The following MAGI1 variants were observed in gnomAD, a reference collection of about 807,000 sequenced individuals.
MAGI1 encodes membrane-associated guanylate kinase, WW and PDZ domain-containing protein 1.
MAGI1 carries 58 observed loss-of-function variants against 139.9 expected under a neutral mutation model. The observed-to-expected ratio is 0.41, with a 90% CI of 0.34 to 0.52. The LOEUF (loss-of-function observed/expected upper bound fraction) is 0.52. MAGI1 is among the 20% of genes least tolerant of loss of function. The probability of loss-of-function intolerance (pLI) is 0.12; values close to 1 mark genes in which losing one functional copy is unlikely to be tolerated. For missense variants in MAGI1, 1,874 were observed against 1,901.6 expected (o/e 0.99, Z 0.27); for synonymous variants, 812 against 737.9 (o/e 1.10, Z -1.63).
At chr3:65,690,763 G>A (rs1352771393) in intron 1 of MAGI1, among the ~76,000 whole-genome samples, 1 of 151,432 alleles carries the variant, frequency 6.6e-6, no homozygotes, top group Non-Finnish European at 1.5e-5. Context: ...CAATGTGCTG[G>A]GATTACAGGC....
intron 2 of MAGI1, among the ~76,000 whole-genome samples, chr3:65,509,022 T>G (rs572100226): frequency 6.6e-6 from 1 of 152,322 alleles, no homozygotes; most frequent in African/African-American, 2.4e-5. Context: ...CCTGGAGCTC[T>G]TACAAGAAGT....
chr3:65,679,527 C>T (rs542523052), intron 1 of MAGI1, among the ~76,000 whole-genome samples: 1 of 151,934 alleles, frequency 6.6e-6, no homozygotes, highest in East Asian at 1.9e-4. Flanking sequence ...CATGCCACTG[C>T]ACTCCAGCCT....
chr3:65,784,621 C>A (rs1383626731), intron 1 of MAGI1, among the ~76,000 whole-genome samples: 3 of 152,082 alleles, frequency 2.0e-5, no homozygotes, highest in Non-Finnish European at 4.4e-5. Context: ...AGGAGAATGG[C>A]GTGAACCAAG....
intron 1 of MAGI1, among the ~76,000 whole-genome samples, chr3:65,865,659 C>A (rs1323422557): frequency 1.3e-5 from 2 of 150,388 alleles, no homozygotes; most frequent in African/African-American, 2.4e-5. Flanking sequence ...GTTTTGTTTG[C>A]GATGGAGTTT....
At chr3:65,627,839 C>A (rs1023546345) in intron 1 of MAGI1, among the ~76,000 whole-genome samples, 1 of 152,052 alleles carries the variant, frequency 6.6e-6, no homozygotes, top group Non-Finnish European at 1.5e-5. Context: ...ATCTGGAATT[C>A]TGTGTCTTCT....
chr3:65,718,347 C>G (rs977551403), intron 1 of MAGI1: 7 of 152,120 alleles, frequency 4.6e-5, no homozygotes, highest in Non-Finnish European at 1.0e-4. Flanking sequence ...TTTGCAATTC[C>G]TTTCACAGAA....
intron 1 of MAGI1, among the ~76,000 whole-genome samples, chr3:65,953,128 A>C (rs557755163): frequency 8.4e-4 from 128 of 152,318 alleles, no homozygotes; most frequent in Middle Eastern, 3.4e-3. Flanking sequence ...AGGGAGGGCA[A>C]TGCCAAACGA....
chr3:65,494,174 A>G (rs1952254339), intron 2 of MAGI1, among the ~76,000 whole-genome samples: 1 of 152,206 alleles, frequency 6.6e-6, no homozygotes. Context: ...GACATCTCCC[A>G]GGGATTAAAA....
chr3:65,506,088 G>C (rs2077274927), intron 2 of MAGI1, among the ~76,000 whole-genome samples: 1 of 152,248 alleles, frequency 6.6e-6, no homozygotes, highest in Non-Finnish European at 1.5e-5. Flanking sequence ...AGCTCTTTCA[G>C]AATGGCAGTC....
intron 1 of MAGI1, chr3:65,874,918 C>T (rs1237287006): frequency 8.5e-5 from 13 of 152,464 alleles, no homozygotes; most frequent in Admixed American, 7.9e-4. Flanking sequence ...CATTATTTAG[C>T]CATTAAAAGG....
chr3:65,926,327 T>TTCTCTCTCTCTCTCTCTCTCTCTC (rs377665681), intron 1 of MAGI1, among the ~76,000 whole-genome samples: 21 of 115,658 alleles, frequency 1.8e-4, no homozygotes, highest in African/African-American at 4.8e-4. Context: ...AAGTCTTCTT[T>TTCTCTCTCTCTCTCTCTCTCTCTC]TCTCTCTCTC....
intron 1 of MAGI1, among the ~76,000 whole-genome samples, chr3:65,788,652 C>G (rs1316285991): frequency 2.6e-5 from 4 of 152,124 alleles, no homozygotes; most frequent in African/African-American, 9.7e-5. Flanking sequence ...AAATTACTTC[C>G]AGTTTGCATT....
intron 1 of MAGI1, among the ~76,000 whole-genome samples, chr3:65,790,652 C>A (rs1408620336): frequency 6.6e-6 from 1 of 152,164 alleles, no homozygotes; most frequent in Non-Finnish European, 1.5e-5. Flanking sequence ...AAGTGTCAAG[C>A]TCAAGCTAAT....
At chr3:65,596,343 G>A (rs532201810) in intron 2 of MAGI1, among the ~76,000 whole-genome samples, 1 of 152,176 alleles carries the variant, frequency 6.6e-6, no homozygotes, top group East Asian at 1.9e-4. Context: ...AAATGTGTCC[G>A]AATCTTTTGA....
chr3:65,917,233 A>G (rs963462921), intron 1 of MAGI1, among the ~76,000 whole-genome samples: 3 of 152,194 alleles, frequency 2.0e-5, no homozygotes, highest in African/African-American at 7.2e-5. Context: ...ATTGAAAAAT[A>G]AAACCAACAA....
intron 22 of MAGI1, among the ~76,000 whole-genome samples, chr3:65,357,497 C>G (rs188141232): frequency 6.6e-6 from 1 of 151,806 alleles, no homozygotes; most frequent in East Asian, 1.9e-4. Context: ...TTCCCACCCC[C>G]CCAACCCTTT....
Position 65,364,987 on chromosome 3 carries a change from A to T in MAGI1, c.3197-41T>A, listed in dbSNP as rs773782469. On this transcript the variant is annotated intron_variant, in intron 18 of 22. Coordinates refer to ENST00000402939, the MANE Select transcript of MAGI1 (RefSeq NM_001033057.2). ...GAGCATAAAGAAATGAAGACCCCAGAGAAGACATCCTCCAGCCAGGAGGTG... is the reference window on the plus strand; with the variant it reads ...GAGCATAAAGAAATGAAGACCCCAGTGAAGACATCCTCCAGCCAGGAGGTG... 3 of 1,535,008 alleles carry T rather than the reference A, an allele frequency of 2.0e-6. No homozygotes were observed. The South Asian group carries it at 3.4e-5, about 17-fold the overall frequency.
chr3:65,503,801 T>C (rs2077174732), intron 2 of MAGI1, among the ~76,000 whole-genome samples: 1 of 152,210 alleles, frequency 6.6e-6, no homozygotes, highest in Admixed American at 6.5e-5. Flanking sequence ...TTCATGATCC[T>C]ACTTCTAGCT....
At chr3:65,919,490 A>G (rs2062066143) in intron 1 of MAGI1, among the ~76,000 whole-genome samples, 1 of 152,108 alleles carries the variant, frequency 6.6e-6, no homozygotes, top group African/African-American at 2.4e-5. Context: ...TGAGCCCAGG[A>G]GTTTGAGGCT....
Sources: allele counts gnomAD v4.1 joint callset (sites outside exome capture counted in the v4.1 genomes callset), GRCh38; gene constraint gnomAD v4.1.1; transcripts MANE v1.5; gene names NCBI Gene and HGNC (gene_info 2026-07-23, HGNC 2026-07-21).